LARS2: variants seen among roughly 807,000 people sequenced by gnomAD.
LARS2 encodes leucine--tRNA ligase, mitochondrial.
In LARS2, 81 loss-of-function variants were observed where a neutral mutation model predicts 116.6. That is an observed-to-expected ratio of 0.69 (90% CI 0.58 to 0.84). The LOEUF (loss-of-function observed/expected upper bound fraction) is 0.84. Among genes scored for constraint, LARS2 ranks in the 40% least tolerant of loss-of-function variants. The pLI is 0.00. For synonymous variants in LARS2, 396 were observed against 407.2 expected, an observed-to-expected ratio of 0.97 and a Z score of 0.33; for missense variants, 968 against 1,114.5, an observed-to-expected ratio of 0.87 and a Z score of 1.87.
At chr3:45,415,858 A>T (rs57226173) in intron 4 of LARS2, among the ~76,000 whole-genome samples, 14,074 of 99,840 alleles carry the variant, frequency 0.14, 913 homozygotes, top group African/African-American at 0.23. Flanking sequence ...AAAAAAAAAA[A>T]AAATATATAT....
At chr3:45,470,095 G>A (rs1699495715) in intron 8 of LARS2, among the ~76,000 whole-genome samples, 1 of 151,984 alleles carries the variant, frequency 6.6e-6, no homozygotes, top group Admixed American at 6.6e-5. Flanking sequence ...GTACTTCTCA[G>A]TTTGCTTGCA....
In LARS2 at chr3:45,474,348, A is replaced by G; in HGVS notation, c.856A>G (p.Lys286Glu). 6.3e-7 allele frequency: 1 copy of G among 1,579,188 alleles called. No individual in the cohort carries two copies. The highest frequency in any genetic ancestry group is 8.7e-7 in the Non-Finnish European group (1 of 1,150,708). Residue 286 changes from lysine to glutamate, a missense_variant and splice_region_variant, in exon 9 of 22, where the codon AAG becomes GAG. Physicochemically the swap from Lys to Glu is moderately conservative, Grantham distance 56. Coordinates refer to ENST00000645846, the MANE Select transcript of LARS2 (RefSeq NM_015340.4). ...GGGCTGCCACCTGGACTTCACATTAAAGGTGATTAAGTAATAGCAGCTCCA... is the reference window on the plus strand; with the variant it reads ...GGGCTGCCACCTGGACTTCACATTAGAGGTGATTAAGTAATAGCAGCTCCA... ...CVGCHLDFTL[K>E]VHGQATGEKL...
At chr3:45,491,893 G>A in intron 13 of LARS2, 93 bp downstream of exon 13, 2 of 1,243,952 alleles carry the variant, frequency 1.6e-6, no homozygotes, top group Non-Finnish European at 1.1e-6. Context: ...TGCTAACTCT[G>A]CTCCCTTTTT....
intron 9 of LARS2, among the ~76,000 whole-genome samples, chr3:45,475,687 C>T (rs1209659949): frequency 6.6e-6 from 1 of 152,230 alleles, no homozygotes; most frequent in African/African-American, 2.4e-5. Context: ...GATGGGGCAA[C>T]ATAGTGTCTC....
intron 8 of LARS2, among the ~76,000 whole-genome samples, chr3:45,473,323 A>T (rs992703635): frequency 1.3e-5 from 2 of 152,112 alleles, no homozygotes; most frequent in Non-Finnish European, 2.9e-5. Context: ...GTTTGCATAG[A>T]TAGATGACAA....
At chr3:45,534,000 G>A (rs541691914) in intron 20 of LARS2, among the ~76,000 whole-genome samples, 1 of 152,348 alleles carries the variant, frequency 6.6e-6, no homozygotes, top group African/African-American at 2.4e-5. Flanking sequence ...CGTGTACTAT[G>A]TGTCAGGCAG....
rs1202913564 is a variant in LARS2 at position 45,485,797 on chromosome 3, G to T, written c.1123+1G>T. The T allele has an allele frequency of 4.4e-6, 7 of 1,573,436 alleles. No homozygotes were observed. Among genetic ancestry groups the T allele is most frequent in the Non-Finnish European group, 6.1e-6 (7 of 1,146,370 alleles). ...GAAGGCTCTCTGGATTCAAAAATAG[G>T]TAAGCAGCTATTAAAATGTAACCAC... On this transcript the variant is annotated splice_donor_variant, in intron 11 of 21. Coordinates refer to ENST00000645846, the MANE Select transcript of LARS2 (RefSeq NM_015340.4). LOFTEE classifies it high-confidence loss of function.
Position 45,476,969 on chromosome 3 carries a change from C to T in LARS2, c.1018+342C>T, listed in dbSNP as rs570232467. Among the ~76,000 whole-genome samples the T allele has an allele frequency of 3.3e-5, 5 of 152,182 alleles. No homozygotes were observed. In the South Asian group the frequency reaches 8.3e-4, roughly 25 times the overall value. On this transcript the variant is annotated intron_variant, in intron 10 of 21. Transcript: ENST00000645846. ...TATTCTATTAGGAATAGAATCTTCT[C>T]ATAATTTATAATTTCACCATCAACT... is the stretch of plus-strand genomic sequence containing the variant.
intron 3 of LARS2, 52 bp from the exon 4 acceptor site, chr3:45,400,193 T>G: frequency 3.0e-5 from 47 of 1,566,244 alleles, no homozygotes; most frequent in Non-Finnish European, 4.1e-5. Context: ...TATGTATACA[T>G]GCAGAGTTCC....
intron 2 of LARS2, 53 bp from the exon 3 acceptor site, chr3:45,394,380 C>A: frequency 2.0e-6 from 2 of 975,788 alleles, no homozygotes; most frequent in Non-Finnish European, 3.2e-6. Flanking sequence ...GAAAGATAAG[C>A]TCTGGGGAGG....
chr3:45,442,397 A>T (rs536918785), intron 6 of LARS2, among the ~76,000 whole-genome samples: 1 of 152,314 alleles, frequency 6.6e-6, no homozygotes, highest in African/African-American at 2.4e-5. Context: ...ATTTTATGGG[A>T]AGGGATGGAC....
At chr3:45,506,219 T>A (rs1341384061) in intron 15 of LARS2, among the ~76,000 whole-genome samples, 7 of 152,124 alleles carry the variant, frequency 4.6e-5, no homozygotes, top group Non-Finnish European at 1.0e-4. Context: ...AAAGTCATCT[T>A]AACTGTTACT....
rs66989698 is a variant in LARS2, at chr3:45,430,003, CTTT to C, written c.516+10298_516+10300del. ...AGGCATGAGCCACCATGCCCAGCCTCTTTTTTTTTTTTTTTTTTTTTTTTTTGA... is the reference window on the plus strand; with the variant it reads ...AGGCATGAGCCACCATGCCCAGCCTCTTTTTTTTTTTTTTTTTTTTTTTGA... On this transcript the variant is annotated intron_variant, in intron 6 of 21. Coordinates refer to ENST00000645846, the MANE Select transcript of LARS2 (RefSeq NM_015340.4). 1.2e-4 allele frequency among the ~76,000 whole-genome samples: 7 copies of C among 56,954 alleles called. 1 individual carries two copies. Among genetic ancestry groups the C allele is most frequent in the African/African-American group, 3.8e-4 (5 of 13,088 alleles). The allele number at this position is 56,954 out of a possible 152,430, so 37.4% of individuals were successfully genotyped here. A position where few individuals can be genotyped will look rare whatever the true frequency, so the allele number is the denominator to read the frequency against.
At chr3:45,401,498 A>G (rs534033111) in intron 4 of LARS2, among the ~76,000 whole-genome samples, 5 of 152,116 alleles carry the variant, frequency 3.3e-5, no homozygotes, top group African/African-American at 9.6e-5. Flanking sequence ...GTGAGACACT[A>G]TCTTAAAAAA....
chr3:45,418,901 G>C (rs1221361675), intron 5 of LARS2, among the ~76,000 whole-genome samples: 4 of 152,200 alleles, frequency 2.6e-5, no homozygotes, highest in African/African-American at 7.2e-5. Context: ...GTAAAAGAGG[G>C]ATAGTCATAG....
At chr3:45,441,902 T>G (rs1264827559) in intron 6 of LARS2, among the ~76,000 whole-genome samples, 1 of 152,164 alleles carries the variant, frequency 6.6e-6, no homozygotes, top group Non-Finnish European at 1.5e-5. Flanking sequence ...TTTTTAATGC[T>G]AAAAACCAGG....
intron 7 of LARS2, among the ~76,000 whole-genome samples, chr3:45,451,316 CT>C (rs1181539399): frequency 1.3e-5 from 2 of 150,284 alleles, no homozygotes; most frequent in African/African-American, 2.4e-5. Flanking sequence ...ATGTTTTATT[CT>C]ACTAGTTTCA....
intron 10 of LARS2, among the ~76,000 whole-genome samples, chr3:45,485,473 A>G (rs942802287): frequency 6.6e-6 from 1 of 152,266 alleles, no homozygotes; most frequent in African/African-American, 2.4e-5. Flanking sequence ...TTCACTTTTC[A>G]TGAGCATGGA....
rs1057523863 is a variant in LARS2 at position 45,488,689 on chromosome 3, C to G, written c.1124-8C>G. On this transcript the variant is annotated splice_polypyrimidine_tract_variant and splice_region_variant and intron_variant, in intron 11 of 21. Coordinates refer to ENST00000645846, the MANE Select transcript of LARS2 (RefSeq NM_015340.4). ...AGGAAATGTTTTCTTTTCTTCTCCT[C>G]TGAATAGGAATTCCCAGTACTAGCT... The G allele has an allele frequency of 3.2e-6, 5 of 1,555,964 alleles. No individual in the cohort carries two copies. The highest frequency in any genetic ancestry group is 3.3e-5 in the Admixed American group (2 of 59,936).
Sources: gnomAD v4.1 joint callset for allele counts (sites outside exome capture counted in the v4.1 genomes callset) on GRCh38, gnomAD v4.1.1 for gene constraint, MANE v1.5 for transcripts, NCBI Gene and HGNC (gene_info 2026-07-23, HGNC 2026-07-21) for gene names.